SNTB1: variants seen among roughly 807,000 people sequenced by gnomAD.
SNTB1 encodes beta-1-syntrophin.
SNTB1 carries 36 observed loss-of-function variants against 48.9 expected under a neutral mutation model. The observed-to-expected ratio is 0.74, with a 90% CI of 0.56 to 0.97. The LOEUF (loss-of-function observed/expected upper bound fraction) is 0.97. Among genes scored for constraint, SNTB1 ranks in the 50% least tolerant of loss-of-function variants. The probability of loss-of-function intolerance (pLI) is 0.00; values close to 1 mark genes in which losing one functional copy is unlikely to be tolerated. For synonymous variants in SNTB1, 299 were observed against 294.6 expected (o/e 1.01, Z -0.15); for missense variants, 786 against 703.4 (o/e 1.12, Z -1.33).
intron 3 of SNTB1, among the ~76,000 whole-genome samples, chr8:120,577,052 T>C (rs746658127): frequency 2.0e-5 from 3 of 152,200 alleles, no homozygotes; most frequent in African/African-American, 4.8e-5. Context: ...ATGGCATCAC[T>C]ATGACAAGGC....
intron 1 of SNTB1, among the ~76,000 whole-genome samples, chr8:120,761,922 T>C (rs1474555053): frequency 6.6e-6 from 1 of 152,228 alleles, no homozygotes; most frequent in Non-Finnish European, 1.5e-5. Flanking sequence ...GTTCCAGCAG[T>C]CTGTGTATTT....
intron 3 of SNTB1, among the ~76,000 whole-genome samples, chr8:120,602,920 G>A (rs1435027960): frequency 2.6e-5 from 4 of 151,944 alleles, no homozygotes; most frequent in South Asian, 2.1e-4. Context: ...ATTAATAGCT[G>A]TTTAAAAGTC....
intron 2 of SNTB1, among the ~76,000 whole-genome samples, chr8:120,680,908 G>C (rs1157510824): frequency 6.6e-6 from 1 of 151,660 alleles, no homozygotes; most frequent in Non-Finnish European, 1.5e-5. Context: ...ACGGACATGG[G>C]CTAAAATGAA....
At chr8:120,702,161 G>A (rs974518890) in intron 1 of SNTB1, among the ~76,000 whole-genome samples, 6 of 152,150 alleles carry the variant, frequency 3.9e-5, no homozygotes, top group Non-Finnish European at 7.3e-5. Flanking sequence ...GAATAAGACC[G>A]ACTGGCTCCC....
intron 1 of SNTB1, among the ~76,000 whole-genome samples, chr8:120,782,710 G>A (rs1158546536): frequency 2.0e-5 from 3 of 151,966 alleles, no homozygotes; most frequent in African/African-American, 4.8e-5. Context: ...ACAGATACAC[G>A]AAAAAGTTCT....
intron 2 of SNTB1, among the ~76,000 whole-genome samples, chr8:120,642,521 T>G (rs1817213711): frequency 6.6e-6 from 1 of 152,182 alleles, no homozygotes; most frequent in Non-Finnish European, 1.5e-5. Flanking sequence ...GCTGAGCCTA[T>G]TGATAGTTGT....
chr8:120,542,402 T>A (rs1474172286), intron 5 of SNTB1, among the ~76,000 whole-genome samples: 1 of 152,202 alleles, frequency 6.6e-6, no homozygotes, highest in Non-Finnish European at 1.5e-5. Flanking sequence ...ACACCTGTAA[T>A]CCCAGCTTTT....
chr8:120,694,526 A>T (rs1206769306), intron 1 of SNTB1, among the ~76,000 whole-genome samples: 1 of 151,468 alleles, frequency 6.6e-6, no homozygotes, highest in Non-Finnish European at 1.5e-5. Flanking sequence ...ATATCATTTA[A>T]AAAATGATAT....
intron 2 of SNTB1, among the ~76,000 whole-genome samples, chr8:120,644,405 A>C (rs1817247730): frequency 6.8e-6 from 1 of 146,862 alleles, no homozygotes; most frequent in Non-Finnish European, 1.5e-5. Flanking sequence ...GAGTGAGAAT[A>C]TGCGATGTTT....
At chr8:120,799,813 T>C (rs1820188819) in intron 1 of SNTB1, among the ~76,000 whole-genome samples, 1 of 152,162 alleles carries the variant, frequency 6.6e-6, no homozygotes, top group African/African-American at 2.4e-5. Context: ...AACAAATCTA[T>C]TTATTAAGTA....
chr8:120,620,424 G>A (rs929016455), intron 3 of SNTB1, among the ~76,000 whole-genome samples: 3 of 152,118 alleles, frequency 2.0e-5, no homozygotes, highest in Non-Finnish European at 2.9e-5. Flanking sequence ...GCAAACTGGG[G>A]ATTAAAATCC....
intron 1 of SNTB1, among the ~76,000 whole-genome samples, chr8:120,738,502 G>A (rs1039159718): frequency 1.3e-5 from 2 of 150,652 alleles, no homozygotes; most frequent in Non-Finnish European, 3.0e-5. Context: ...TCTTAGAGAG[G>A]CTCATTGACC....
At chr8:120,571,022 C>A in intron 4 of SNTB1, 1 of 324,158 alleles carries the variant, frequency 3.1e-6, no homozygotes, top group Non-Finnish European at 5.2e-6. Context: ...GAATTTTTTT[C>A]ACCTCTTTAT....
chr8:120,799,934 A>C (rs1300730224), intron 1 of SNTB1, among the ~76,000 whole-genome samples: 1 of 152,098 alleles, frequency 6.6e-6, no homozygotes, highest in Non-Finnish European at 1.5e-5. Flanking sequence ...TACCACTCTC[A>C]TTTCCTGTTC....
chr8:120,808,851 A>G (rs1432087505), intron 1 of SNTB1, among the ~76,000 whole-genome samples: 1 of 152,152 alleles, frequency 6.6e-6, no homozygotes, highest in Non-Finnish European at 1.5e-5. Flanking sequence ...GTACTAAACT[A>G]ATCTCCATTT....
At chr8:120,566,238 A>C (rs1271807450) in intron 4 of SNTB1, among the ~76,000 whole-genome samples, 2 of 149,936 alleles carry the variant, frequency 1.3e-5, no homozygotes, top group Non-Finnish European at 3.0e-5. Flanking sequence ...CTAAGGCAGG[A>C]GAATCACTTG....
intron 1 of SNTB1, among the ~76,000 whole-genome samples, chr8:120,750,832 G>C (rs190835233): frequency 6.4e-4 from 98 of 152,160 alleles, no homozygotes; most frequent in African/African-American, 2.2e-3. Context: ...AGCAGAATCA[G>C]CTTTATGCAT....
intron 2 of SNTB1, among the ~76,000 whole-genome samples, chr8:120,687,809 C>T (rs1178152388): frequency 2.6e-5 from 4 of 152,228 alleles, no homozygotes; most frequent in African/African-American, 9.6e-5. Flanking sequence ...TTTCCATCTA[C>T]TTGACAACTG....
chr8:120,551,839 C>G (rs949035587), intron 4 of SNTB1, among the ~76,000 whole-genome samples: 8 of 151,924 alleles, frequency 5.3e-5, no homozygotes, highest in African/African-American at 1.9e-4. Context: ...TTACACCTAC[C>G]CTTAGTTTCC....
Sources: gnomAD v4.1 joint callset for allele counts (sites outside exome capture counted in the v4.1 genomes callset) on GRCh38, gnomAD v4.1.1 for gene constraint, MANE v1.5 for transcripts, NCBI Gene and HGNC (gene_info 2026-07-23, HGNC 2026-07-21) for gene names.